RBL1: variants seen among roughly 807,000 people sequenced by gnomAD.
RBL1 encodes RB transcriptional corepressor like 1.
In RBL1, 82 loss-of-function variants were observed where a neutral mutation model predicts 123.0. The ratio of observed to expected loss-of-function variants is 0.67; its 90% confidence interval spans 0.56 to 0.80. The LOEUF (loss-of-function observed/expected upper bound fraction) is 0.80. Ranked by LOEUF, RBL1 falls within the 30% of genes least tolerant of loss-of-function variation. The pLI, the probability that RBL1 is intolerant of heterozygous loss-of-function variation, is 0.00. For missense variants in RBL1, 1,171 were observed against 1,299.6 expected (o/e 0.90, Z 1.52); for synonymous variants, 405 against 441.3 (o/e 0.92, Z 1.03).
chr20:37,002,379 T>C (rs2064002575), intron 21 of RBL1, among the ~76,000 whole-genome samples: 1 of 141,608 alleles, frequency 7.1e-6, no homozygotes, highest in African/African-American at 2.6e-5. Flanking sequence ...GTCTTGCTCT[T>C]GTCGCCCAGG....
At chr20:37,001,113 G>A (rs2063970884) in intron 21 of RBL1, among the ~76,000 whole-genome samples, 2 of 148,736 alleles carry the variant, frequency 1.3e-5, no homozygotes, top group South Asian at 2.1e-4. Context: ...GCCCTGTCCC[G>A]GAGGGAGGCG....
intron 20 of RBL1, among the ~76,000 whole-genome samples, chr20:37,006,820 G>A (rs1342242891): frequency 7.3e-6 from 1 of 136,304 alleles, no homozygotes; most frequent in Non-Finnish European, 1.5e-5. Flanking sequence ...CAGCCTGGGT[G>A]ACAGGGTGAG....
Position 37,022,794 on chromosome 20 carries a change from A to G in RBL1, c.2415T>C (p.Asp805=). ...VYHLASVRLR[D]LCLKLDVSNE... ...TTGAAACATCCAGTTTTAGACATAG[A>G]TCACGTAAGCGTACACTTGCCAAAT... is the stretch of plus-strand genomic sequence containing the variant. Residue 805 remains aspartate (D), a synonymous_variant, in exon 17 of 22, where the codon GAT becomes GAC. Transcript: ENST00000373664. 6.2e-7 allele frequency: 1 copy of G among 1,613,300 alleles called. No homozygotes were observed. Among genetic ancestry groups the G allele is most frequent in the Non-Finnish European group, 8.5e-7 (1 of 1,179,606 alleles).
chr20:37,008,969 G>A (rs1224281430), intron 19 of RBL1, among the ~76,000 whole-genome samples: 1 of 151,794 alleles, frequency 6.6e-6, no homozygotes, highest in Non-Finnish European at 1.5e-5. Context: ...TAACTCTCAT[G>A]TTCACTTTAA....
chr20:37,062,842 C>A (rs1197415095), intron 7 of RBL1, among the ~76,000 whole-genome samples: 1 of 151,866 alleles, frequency 6.6e-6, no homozygotes, highest in African/African-American at 2.4e-5. Context: ...GTAGTCCCAG[C>A]TACTTGGGAG....
chr20:37,076,423 C>A (rs2065364970), intron 2 of RBL1, among the ~76,000 whole-genome samples: 1 of 152,038 alleles, frequency 6.6e-6, no homozygotes, highest in Admixed American at 6.6e-5. Context: ...CTGTACTCAC[C>A]CTTCTTGTGA....
intron 16 of RBL1, among the ~76,000 whole-genome samples, chr20:37,023,629 T>C (rs1252924780): frequency 6.6e-6 from 1 of 152,110 alleles, no homozygotes; most frequent in African/African-American, 2.4e-5. Flanking sequence ...TTAAAATAAG[T>C]AAGATACAAA....
intron 16 of RBL1, among the ~76,000 whole-genome samples, chr20:37,027,350 A>T (rs934054651): frequency 1.3e-5 from 2 of 152,142 alleles, no homozygotes; most frequent in African/African-American, 4.8e-5. Context: ...AAATAATAAT[A>T]AAAAAAGAAT....
At chr20:37,006,578 T>G (rs547455493) in intron 20 of RBL1, among the ~76,000 whole-genome samples, 1 of 150,880 alleles carries the variant, frequency 6.6e-6, no homozygotes, top group South Asian at 2.1e-4. Flanking sequence ...CAGTGGCTCA[T>G]GCCTGTAATC....
chr20:37,085,719 T>C (rs1251141644), intron 2 of RBL1, among the ~76,000 whole-genome samples: 1 of 131,046 alleles, frequency 7.6e-6, no homozygotes, highest in African/African-American at 2.9e-5. Context: ...AATGGCGCAA[T>C]CTCGGCTCGC....
intron 20 of RBL1, among the ~76,000 whole-genome samples, chr20:37,007,102 A>G (rs954968173): frequency 6.6e-6 from 1 of 152,030 alleles, no homozygotes; most frequent in Non-Finnish European, 1.5e-5. Flanking sequence ...CAAAAAAATT[A>G]GCTAGGCGTG....
At chr20:37,003,480 G>C in intron 21 of RBL1, 1 of 921,564 alleles carries the variant, frequency 1.1e-6, no homozygotes, top group Non-Finnish European at 1.4e-6. Context: ...AAACATGCTG[G>C]ACTTTCAAAG....
rs564516520 is a variant in RBL1 at position 37,068,248 on chromosome 20, A to C, written c.291-62T>G. On this transcript the variant is annotated intron_variant, in intron 2 of 21. Transcript: ENST00000373664. ...AAATTCATTTAAATAATGGATTGAA[A>C]GGAAATATTCTATTCATGACTAAGA... The C allele has an allele frequency of 1.5e-4, 218 of 1,494,250 alleles. 2 individuals carry two copies. In the South Asian group the frequency reaches 2.6e-3, roughly 18 times the overall value. The allele number at this position is 1,494,250 out of a possible 1,614,324, so 92.6% of individuals were successfully genotyped here.
intron 18 of RBL1, among the ~76,000 whole-genome samples, chr20:37,019,821 C>T (rs899802870): frequency 1.3e-5 from 2 of 152,236 alleles, no homozygotes; most frequent in South Asian, 2.1e-4. Context: ...ATAATAACAA[C>T]AATATGACAT....
chr20:37,080,939 A>G (rs924560545), intron 2 of RBL1, among the ~76,000 whole-genome samples: 8 of 152,216 alleles, frequency 5.3e-5, no homozygotes, highest in Non-Finnish European at 1.0e-4. Context: ...CCAAGGATCC[A>G]TCATCAGACT....
At chr20:37,047,216 T>G (rs1194201084) in intron 11 of RBL1, 26 bp from the exon 12 acceptor site, 1 of 1,565,032 alleles carries the variant, frequency 6.4e-7, no homozygotes, top group Non-Finnish European at 8.6e-7. Context: ...GACCACAGTT[T>G]AATATTTTTC....
chr20:37,051,212 G>A (rs201194329), intron 11 of RBL1, among the ~76,000 whole-genome samples: 5 of 140,858 alleles, frequency 3.5e-5, no homozygotes, highest in South Asian at 4.5e-4. Context: ...GATGGAGTTC[G>A]CTCTTGTTGC....
chr20:37,090,885 C>T (rs1444792476), intron 1 of RBL1, among the ~76,000 whole-genome samples: 1 of 152,150 alleles, frequency 6.6e-6, no homozygotes, highest in Non-Finnish European at 1.5e-5. Context: ...AAACATTCTG[C>T]AGCACACGAC....
chr20:37,042,072 C>CAAAA (rs71186100), intron 13 of RBL1, among the ~76,000 whole-genome samples: 9 of 87,022 alleles, frequency 1.0e-4, no homozygotes, highest in African/African-American at 3.9e-4. Context: ...GACTTTGTCT[C>CAAAA]AAAAAAAAAA....
Sources: gnomAD v4.1 joint callset for allele counts (sites outside exome capture counted in the v4.1 genomes callset) on GRCh38, gnomAD v4.1.1 for gene constraint, MANE v1.5 for transcripts, NCBI Gene and HGNC (gene_info 2026-07-23, HGNC 2026-07-21) for gene names.